The following CUX2 variants were observed in gnomAD, a reference collection of about 807,000 sequenced individuals.
The protein encoded by CUX2 is cut like homeobox 2, also known as homeobox protein cut-like 2.
CUX2 carries 40 observed loss-of-function variants against 144.8 expected under a neutral mutation model. That is an observed-to-expected ratio of 0.28 (90% CI 0.21 to 0.36). CUX2 has a LOEUF of 0.36. CUX2 is among the 10% of genes least tolerant of loss of function. CUX2 has a pLI of 1.00. For missense variants in CUX2, 1,615 were observed against 1,994.0 expected, an observed-to-expected ratio of 0.81 and a Z score of 3.62; for synonymous variants, 827 against 875.6, an observed-to-expected ratio of 0.94 and a Z score of 0.98.
At chr12:111,147,977 C>G (rs1258142046) in intron 1 of CUX2, among the ~76,000 whole-genome samples, 1 of 152,148 alleles carries the variant, frequency 6.6e-6, no homozygotes, top group Non-Finnish European at 1.5e-5. Flanking sequence ...CTATGGGAGA[C>G]AGTATGACAA....
intron 20 of CUX2, among the ~76,000 whole-genome samples, chr12:111,338,744 A>T: frequency 6.6e-6 from 1 of 151,922 alleles, no homozygotes; most frequent in East Asian, 1.9e-4. Flanking sequence ...TAAGGCTTGC[A>T]GATCACTTGG....
intron 1 of CUX2, among the ~76,000 whole-genome samples, chr12:111,045,133 C>T (rs991898735): frequency 6.6e-6 from 1 of 152,220 alleles, no homozygotes; most frequent in Non-Finnish European, 1.5e-5. Flanking sequence ...CACTGATTCC[C>T]AGGCCCACTG....
rs541786855 is a variant in CUX2, at chr12:111,048,275, T to C, written c.63+14035T>C. ...AGGGAGGGAGGGGACGTTTGGAAAA[T>C]AGGCAAAGGACAGCATCTGTGATGA... is the stretch of plus-strand genomic sequence containing the variant. On this transcript the variant is annotated intron_variant, in intron 1 of 21. Coordinates refer to ENST00000261726, the MANE Select transcript of CUX2 (RefSeq NM_015267.4). Among the ~76,000 whole-genome samples, 3 of 152,278 alleles carry C rather than the reference T, an allele frequency of 2.0e-5. No individual in the cohort carries two copies. In the East Asian group the frequency reaches 5.8e-4, roughly 29 times the overall value.
rs1226833970 is a variant in CUX2, at chr12:111,255,567, G to C, written c.223-8194G>C. ...AGCCCCCAACCAAAGAATCGATTCT[G>C]AGTGGAGGCTGAGAAGCATGGGCTT... is the stretch of plus-strand genomic sequence containing the variant. On this transcript the variant is annotated intron_variant, in intron 3 of 21. Coordinates refer to ENST00000261726, the MANE Select transcript of CUX2 (RefSeq NM_015267.4). This position sits in a 1 kb window ranked among gnomAD's most constrained non-coding sequence, Gnocchi z 4.1. 6.6e-6 allele frequency among the ~76,000 whole-genome samples: 1 copy of C among 152,198 alleles called. No homozygotes were observed. Among genetic ancestry groups the C allele is most frequent in the African/African-American group, 2.4e-5 (1 of 41,466 alleles).
intron 1 of CUX2, among the ~76,000 whole-genome samples, chr12:111,070,574 C>T (rs559831812): frequency 1.3e-5 from 2 of 152,230 alleles, no homozygotes; most frequent in South Asian, 2.1e-4. Flanking sequence ...CCACCAGAAT[C>T]GTACATTTGT....
intron 1 of CUX2, among the ~76,000 whole-genome samples, chr12:111,083,598 G>C (rs1872029286): frequency 6.6e-6 from 1 of 152,162 alleles, no homozygotes; most frequent in African/African-American, 2.4e-5. Context: ...GGCAAAAGAG[G>C]ACTGAGGTTT....
chr12:111,179,597 GTT>G (rs1879043193), intron 1 of CUX2, among the ~76,000 whole-genome samples: 4 of 104,702 alleles, frequency 3.8e-5, no homozygotes, highest in African/African-American at 1.5e-4. Context: ...CGCCGTGGTT[GTT>G]GTTGTTGTTG....
At chr12:111,106,093 G>C (rs1873588773) in intron 1 of CUX2, among the ~76,000 whole-genome samples, 1 of 151,530 alleles carries the variant, frequency 6.6e-6, no homozygotes, top group Non-Finnish European at 1.5e-5. Context: ...TCAAACTCTT[G>C]GGCCCAAGCG....
intron 19 of CUX2, among the ~76,000 whole-genome samples, chr12:111,335,189 G>A (rs944539147): frequency 6.6e-6 from 1 of 151,916 alleles, no homozygotes; most frequent in Non-Finnish European, 1.5e-5. Flanking sequence ...TCAGCAGTTC[G>A]AGACCAGCCT....
chr12:111,324,153 A>G (rs1887664603), intron 18 of CUX2, among the ~76,000 whole-genome samples: 1 of 152,104 alleles, frequency 6.6e-6, no homozygotes, highest in South Asian at 2.1e-4. Flanking sequence ...GTTCGAGACC[A>G]GTCTGGCCAA....
chr12:111,156,145 C>T (rs1227909097), intron 1 of CUX2, among the ~76,000 whole-genome samples: 3 of 152,052 alleles, frequency 2.0e-5, no homozygotes, highest in Non-Finnish European at 4.4e-5. Context: ...TCTTTAATCC[C>T]GGGGCAGAAA....
intron 19 of CUX2, among the ~76,000 whole-genome samples, chr12:111,335,420 T>TA (rs1430307906): frequency 6.8e-6 from 1 of 148,028 alleles, no homozygotes; most frequent in Non-Finnish European, 1.5e-5. Flanking sequence ...ATCAGTAAAA[T>TA]AAAAAACAAG....
chr12:111,239,448 C>T (rs1273525238), intron 3 of CUX2, among the ~76,000 whole-genome samples: 4 of 152,144 alleles, frequency 2.6e-5, no homozygotes, highest in African/African-American at 4.8e-5. Context: ...AGCCCAGTTG[C>T]GTTCTCTCAC....
chr12:111,223,337 C>T (rs1002641112), intron 3 of CUX2, among the ~76,000 whole-genome samples: 18 of 152,294 alleles, frequency 1.2e-4, no homozygotes, highest in Middle Eastern at 3.4e-3. Flanking sequence ...CCCAGAGGTT[C>T]TATTTGTTTG....
In CUX2 at chr12:111,295,062, CTG is replaced by C. The variant is rs1479870829; in HGVS notation, c.561-270_561-269del. ...AAACCTCATTTTAAAAATAAGGAAA[CTG>C]AGGACCAGAGAGGTTGCTTGCTACT... On this transcript the variant is annotated intron_variant, in intron 6 of 21. Coordinates refer to ENST00000261726, the MANE Select transcript of CUX2 (RefSeq NM_015267.4). This position sits in a 1 kb window ranked among gnomAD's most constrained non-coding sequence, Gnocchi z 5.0. 6.6e-6 allele frequency among the ~76,000 whole-genome samples: 1 copy of C among 152,142 alleles called. No homozygotes were observed. The highest frequency in any genetic ancestry group is 1.5e-5 in the Non-Finnish European group (1 of 68,022).
chr12:111,330,716 T>TACACATATAC (rs1467075463), intron 18 of CUX2, among the ~76,000 whole-genome samples: 390 of 36,958 alleles, frequency 0.011, 38 homozygotes, highest in African/African-American at 0.054. Flanking sequence ...TATATATATA[T>TACACATATAC]ATATATATAT....
At chr12:111,132,380 G>A (rs969713177) in intron 1 of CUX2, among the ~76,000 whole-genome samples, 2 of 152,066 alleles carry the variant, frequency 1.3e-5, no homozygotes, top group Admixed American at 6.5e-5. Context: ...GGGCGGCTGT[G>A]AAGGTCTCTG....
intron 1 of CUX2, among the ~76,000 whole-genome samples, chr12:111,074,767 G>A (rs895936678): frequency 1.3e-5 from 2 of 152,026 alleles, no homozygotes; most frequent in Non-Finnish European, 2.9e-5. Context: ...ACAGCAGACG[G>A]CGGCAGGGCC....
chr12:111,217,033 CTG>C (rs1456505289), intron 2 of CUX2, among the ~76,000 whole-genome samples: 1 of 152,128 alleles, frequency 6.6e-6, no homozygotes, highest in Non-Finnish European at 1.5e-5. Flanking sequence ...TCACAGGAAA[CTG>C]GAGGATTAGG....
Sources: allele counts gnomAD v4.1 joint callset (sites outside exome capture counted in the v4.1 genomes callset), GRCh38; gene constraint gnomAD v4.1.1; non-coding constraint Gnocchi (gnomAD v3.1); transcripts MANE v1.5; gene names NCBI Gene and HGNC (gene_info 2026-07-23, HGNC 2026-07-21).